The following CCDC18 variants were observed in gnomAD, a reference collection of about 807,000 sequenced individuals.
The protein encoded by CCDC18 is coiled-coil domain-containing protein 18.
CCDC18 carries 157 observed loss-of-function variants against 196.0 expected under a neutral mutation model. The observed-to-expected ratio is 0.80, with a 90% CI of 0.70 to 0.91. The LOEUF is 0.91. Among genes scored for constraint, CCDC18 ranks in the 40% least tolerant of loss-of-function variants. The probability of loss-of-function intolerance (pLI) is 0.00; values close to 1 mark genes in which losing one functional copy is unlikely to be tolerated. For synonymous variants in CCDC18, 482 were observed against 529.2 expected, an observed-to-expected ratio of 0.91 and a Z score of 1.22; for missense variants, 1,465 against 1,611.6, an observed-to-expected ratio of 0.91 and a Z score of 1.56.
Position 93,270,539 on chromosome 1 carries a change from CT to C in CCDC18, c.4080del (p.Thr1361LeufsTer18). 6.5e-7 allele frequency: 1 copy of C among 1,550,376 alleles called. No homozygotes were observed. Among genetic ancestry groups the C allele is most frequent in the South Asian group, 1.2e-5 (1 of 84,056 alleles). On this transcript the variant is annotated frameshift_variant, in exon 28 of 29. Coordinates refer to ENST00000690025, the MANE Select transcript of CCDC18 (RefSeq NM_001378204.1). LOFTEE classifies it high-confidence loss of function. ...KLRRSISASD[L>X]TFKIHGDEDL... ...ACGTCGCTCTATTAGTGCCAGTGATCTTACTTTCAAAATTCATGGTGATGAA... is the reference window on the plus strand; with the variant it reads ...ACGTCGCTCTATTAGTGCCAGTGATCTACTTTCAAAATTCATGGTGATGAA...
At chr1:93,275,853 T>C (rs1320610507) in intron 28 of CCDC18, among the ~76,000 whole-genome samples, 1 of 152,270 alleles carries the variant, frequency 6.6e-6, no homozygotes, top group Non-Finnish European at 1.5e-5. Context: ...TCAAATTTAA[T>C]CTGCACTATT....
intron 14 of CCDC18, among the ~76,000 whole-genome samples, chr1:93,218,177 T>C (rs925040018): frequency 2.0e-5 from 3 of 152,092 alleles, no homozygotes; most frequent in African/African-American, 7.2e-5. Flanking sequence ...AGAGAAGCAC[T>C]CTTGACCTTG....
chr1:93,274,683 AAAAAT>A (rs1348113885), intron 28 of CCDC18, among the ~76,000 whole-genome samples: 2 of 151,440 alleles, frequency 1.3e-5, no homozygotes, highest in African/African-American at 4.9e-5. Flanking sequence ...ATCTCTACAG[AAAAAT>A]AAAATGAAAA....
chr1:93,200,953 T>C (rs1332047502), intron 6 of CCDC18, among the ~76,000 whole-genome samples: 3 of 152,218 alleles, frequency 2.0e-5, no homozygotes, highest in African/African-American at 7.2e-5. Context: ...CAGGAATTGA[T>C]TATATTCCTA....
At chr1:93,186,642 C>A in intron 4 of CCDC18, 139 bp downstream of exon 4, 1 of 582,598 alleles carries the variant, frequency 1.7e-6, no homozygotes, top group Non-Finnish European at 2.9e-6. Flanking sequence ...ATAGTATCAA[C>A]ATGTTGTAAA....
chr1:93,252,216 T>G (rs523262), intron 23 of CCDC18, among the ~76,000 whole-genome samples: 1 of 151,876 alleles, frequency 6.6e-6, no homozygotes, highest in African/African-American at 2.4e-5. Context: ...TAAAAAAAAA[T>G]TTATTTTAAG....
At chr1:93,236,841 G>A (rs542475063) in intron 19 of CCDC18, among the ~76,000 whole-genome samples, 7 of 152,150 alleles carry the variant, frequency 4.6e-5, no homozygotes, top group Non-Finnish European at 1.0e-4. Context: ...CACCTCAAGA[G>A]CTTGTAAAAA....
chr1:93,214,526 G>A (rs1267345039), intron 11 of CCDC18, among the ~76,000 whole-genome samples: 1 of 152,192 alleles, frequency 6.6e-6, no homozygotes, highest in Non-Finnish European at 1.5e-5. Flanking sequence ...CTAGAAAAAT[G>A]AGTGATTCAG....
chr1:93,236,612 G>A (rs960063188), intron 19 of CCDC18, among the ~76,000 whole-genome samples: 1 of 151,978 alleles, frequency 6.6e-6, no homozygotes, highest in African/African-American at 2.4e-5. Flanking sequence ...GTTTCTTAAG[G>A]CAAGGATCAT....
At chr1:93,261,740 AT>A (rs1267825373) in intron 26 of CCDC18, among the ~76,000 whole-genome samples, 1 of 152,026 alleles carries the variant, frequency 6.6e-6, no homozygotes, top group African/African-American at 2.4e-5. Context: ...ATATTCACAT[AT>A]TATTTGAAGC....
intron 6 of CCDC18, among the ~76,000 whole-genome samples, chr1:93,201,388 G>T (rs987388492): frequency 6.6e-6 from 1 of 152,138 alleles, no homozygotes; most frequent in Non-Finnish European, 1.5e-5. Context: ...TTAAAGAGTG[G>T]TTGGTGGTGG....
chr1:93,202,870 G>T (rs1157746233), intron 7 of CCDC18, among the ~76,000 whole-genome samples: 3 of 152,152 alleles, frequency 2.0e-5, no homozygotes, highest in Non-Finnish European at 4.4e-5. Flanking sequence ...AGAAATAAGA[G>T]GTAGGTGTGG....
At chr1:93,275,057 ATATG>A (rs1665554948) in intron 28 of CCDC18, among the ~76,000 whole-genome samples, 1 of 152,160 alleles carries the variant, frequency 6.6e-6, no homozygotes, top group Non-Finnish European at 1.5e-5. Flanking sequence ...ATAGTCATTT[ATATG>A]TATGTTGCAT....
intron 9 of CCDC18, among the ~76,000 whole-genome samples, chr1:93,209,418 T>C (rs1038411439): frequency 3.3e-5 from 5 of 152,150 alleles, no homozygotes; most frequent in Admixed American, 3.3e-4. Flanking sequence ...TATAGGTAAA[T>C]ATATTATGGT....
chr1:93,180,108 C>G (rs768589703), upstream of CCDC18: 4 of 1,613,616 alleles, frequency 2.5e-6, no homozygotes, highest in African/African-American at 5.3e-5. Context: ...AGAAGCACTC[C>G]TTCTGGCCGG....
intron 26 of CCDC18, among the ~76,000 whole-genome samples, chr1:93,261,338 T>G (rs979059969): frequency 6.6e-6 from 1 of 152,030 alleles, no homozygotes; most frequent in Non-Finnish European, 1.5e-5. Flanking sequence ...AGTATATACA[T>G]CCTCATATTT....
chr1:93,277,739 T>C (rs1041742250), intron 28 of CCDC18, among the ~76,000 whole-genome samples: 1 of 152,116 alleles, frequency 6.6e-6, no homozygotes, highest in Non-Finnish European at 1.5e-5. Flanking sequence ...TCTCTCTTGC[T>C]TTTCCCCACA....
intron 21 of CCDC18, among the ~76,000 whole-genome samples, chr1:93,243,093 G>T (rs998535412): frequency 6.6e-6 from 1 of 152,184 alleles, no homozygotes; most frequent in Non-Finnish European, 1.5e-5. Flanking sequence ...GCCCCAGTGG[G>T]GACTCTGTAT....
At chr1:93,206,476 A>G (rs1654719337) in intron 8 of CCDC18, among the ~76,000 whole-genome samples, 1 of 152,128 alleles carries the variant, frequency 6.6e-6, no homozygotes. Context: ...ATATTTTTCA[A>G]AAAAGTTATT....
Sources: allele counts gnomAD v4.1 joint callset (sites outside exome capture counted in the v4.1 genomes callset), GRCh38; gene constraint gnomAD v4.1.1; transcripts MANE v1.5; gene names NCBI Gene and HGNC (gene_info 2026-07-23, HGNC 2026-07-21).